Variants in TENM2 observed in about 807,000 individuals in gnomAD.
The protein encoded by TENM2 is teneurin transmembrane protein 2.
A neutral mutation model predicts 245.2 loss-of-function variants in TENM2; 52 were observed. The ratio of observed to expected loss-of-function variants is 0.21; its 90% CI spans 0.17 to 0.27. TENM2 has a LOEUF of 0.27. Among genes scored for constraint, TENM2 ranks in the 10% least tolerant of loss-of-function variants. The pLI, the probability that TENM2 is intolerant of heterozygous loss-of-function variation, is 1.00. For synonymous variants in TENM2, 1,363 were observed against 1,438.9 expected, an observed-to-expected ratio of 0.95 and a Z score of 1.19; for missense variants, 3,046 against 3,666.8, an observed-to-expected ratio of 0.83 and a Z score of 4.37.
intron 9 of TENM2, 114 bp downstream of exon 11, chr5:168,098,241 C>G (rs942200106): frequency 8.1e-6 from 6 of 736,780 alleles, no homozygotes; most frequent in East Asian, 2.7e-5. Flanking sequence ...CCCGAGACAT[C>G]TTGCAAGCCC....
intron 2 of TENM2, among the ~76,000 whole-genome samples, chr5:167,800,244 A>G (rs1443102573): frequency 6.6e-6 from 1 of 152,206 alleles, no homozygotes; most frequent in Non-Finnish European, 1.5e-5. Context: ...TTCCTGTTAG[A>G]GGCAAGTCTT....
chr5:167,227,364 C>G, the TENM2 span, among the ~76,000 whole-genome samples: 1 of 151,996 alleles, frequency 6.6e-6, no homozygotes, highest in East Asian at 1.9e-4. Context: ...AAGTTTTATA[C>G]TTTTGTGTGT....
chr5:167,909,250 G>A (rs956681266), intron 3 of TENM2, among the ~76,000 whole-genome samples: 1 of 152,136 alleles, frequency 6.6e-6, no homozygotes, highest in East Asian at 1.9e-4. Flanking sequence ...TTTACAGTTG[G>A]ACTTTTGTAA....
chr5:168,257,900 C>G (rs888008592), intron 27 of TENM2, among the ~76,000 whole-genome samples: 4 of 152,102 alleles, frequency 2.6e-5, no homozygotes, highest in African/African-American at 9.7e-5. Flanking sequence ...AGGCGTGAGC[C>G]ACCGTGCCCG....
intron 2 of TENM2, among the ~76,000 whole-genome samples, chr5:167,377,729 G>T (rs1269218141): frequency 3.3e-5 from 5 of 152,104 alleles, no homozygotes; most frequent in Non-Finnish European, 7.4e-5. Context: ...AGCTCACAAA[G>T]AAATCAATGC....
chr5:167,155,503 C>T, the TENM2 span, among the ~76,000 whole-genome samples: 1 of 152,116 alleles, frequency 6.6e-6, no homozygotes, highest in Non-Finnish European at 1.5e-5. Context: ...TAGCAGGGAT[C>T]CTGTAGAGCA....
At chr5:168,144,381 G>A (rs62383428) in intron 12 of TENM2, among the ~76,000 whole-genome samples, 117,274 of 150,614 alleles carry the variant, frequency 0.78, 46,527 homozygotes, top group African/African-American at 0.94. Flanking sequence ...CTTCCTGTGT[G>A]CATGTGATCT....
intron 3 of TENM2, among the ~76,000 whole-genome samples, chr5:167,910,549 T>G (rs1776465417): frequency 6.6e-6 from 1 of 152,190 alleles, no homozygotes; most frequent in Non-Finnish European, 1.5e-5. Flanking sequence ...CATCTGCATT[T>G]CTTTGTGGCT....
At chr5:167,662,105 A>G (rs2150324982) in intron 2 of TENM2, among the ~76,000 whole-genome samples, 1 of 152,364 alleles carries the variant, frequency 6.6e-6, no homozygotes, top group African/African-American at 2.4e-5. Flanking sequence ...AAAGGAAATT[A>G]AGGTGCAGCC....
At chr5:168,098,234 G>A (rs745785112) in intron 9 of TENM2, 107 bp downstream of exon 11, 61 of 762,712 alleles carry the variant, frequency 8.0e-5, no homozygotes, top group Non-Finnish European at 1.1e-4. Context: ...CAAATCCCCC[G>A]AGACATCTTG....
chr5:167,381,714 C>A (rs1761107112), intron 2 of TENM2, among the ~76,000 whole-genome samples: 1 of 152,046 alleles, frequency 6.6e-6, no homozygotes, highest in Non-Finnish European at 1.5e-5. Context: ...TTTGTAGTCC[C>A]TTGAGTTATC....
At chr5:167,658,452 C>T (rs1197771227) in intron 2 of TENM2, among the ~76,000 whole-genome samples, 2 of 152,204 alleles carry the variant, frequency 1.3e-5, no homozygotes, top group Non-Finnish European at 2.9e-5. Context: ...AGGTGATCTT[C>T]CCACCTCGGC....
intron 1 of TENM2, among the ~76,000 whole-genome samples, chr5:167,345,533 A>T (rs1758402530): frequency 6.6e-6 from 1 of 152,224 alleles, no homozygotes; most frequent in African/African-American, 2.4e-5. Context: ...TTTGTTGAAG[A>T]TTTGAAACTG....
At chr5:168,097,713 A>G (rs186275339) in intron 8 of TENM2, among the ~76,000 whole-genome samples, 7 of 152,160 alleles carry the variant, frequency 4.6e-5, no homozygotes, top group South Asian at 2.1e-4. Flanking sequence ...CAGCCTCCCA[A>G]AGTGCTGAGA....
At chr5:167,105,375 T>A in the TENM2 span, among the ~76,000 whole-genome samples, 10 of 152,214 alleles carry the variant, frequency 6.6e-5, no homozygotes, top group African/African-American at 2.2e-4. Context: ...TTTTTCTCAT[T>A]CTCACTCTGC....
chr5:167,030,697 G>T, the TENM2 span, among the ~76,000 whole-genome samples: 1 of 152,118 alleles, frequency 6.6e-6, no homozygotes, highest in South Asian at 2.1e-4. Context: ...AACGCGAGCA[G>T]AGCAAGGAAA....
chr5:167,872,548 G>GAAAGAAAGAAAAAGAA (rs1313191288), intron 2 of TENM2, among the ~76,000 whole-genome samples: 1 of 65,438 alleles, frequency 1.5e-5, no homozygotes, highest in African/African-American at 4.4e-5. Context: ...AAGAAAGAAA[G>GAAAGAAAGAAAAAGAA]AGAAAGAAAG....
At chr5:168,185,460 T>C (rs1760303314) in intron 13 of TENM2, among the ~76,000 whole-genome samples, 1 of 152,124 alleles carries the variant, frequency 6.6e-6, no homozygotes, top group Non-Finnish European at 1.5e-5. Flanking sequence ...GTGATCATCA[T>C]CATCATCAAC....
At chr5:167,157,679 C>T in the TENM2 span, among the ~76,000 whole-genome samples, 1 of 152,158 alleles carries the variant, frequency 6.6e-6, no homozygotes, top group African/African-American at 2.4e-5. Context: ...CCATCAACTA[C>T]ATGGTAGAAT....
Sources: allele counts gnomAD v4.1 joint callset (sites outside exome capture counted in the v4.1 genomes callset), GRCh38; gene constraint gnomAD v4.1.1; transcripts MANE v1.5; gene names NCBI Gene and HGNC (gene_info 2026-07-23, HGNC 2026-07-21).